SHCBP1: variants seen among roughly 807,000 people sequenced by gnomAD.
The protein encoded by SHCBP1 is SHC binding and spindle associated 1.
A neutral mutation model predicts 75.1 loss-of-function variants in SHCBP1; 60 were observed. The observed-to-expected ratio is 0.80, with a 90% CI of 0.65 to 0.99. The LOEUF is 0.99. Among genes scored for constraint, SHCBP1 ranks in the 50% least tolerant of loss-of-function variants. The pLI is 0.00. For synonymous variants in SHCBP1, 290 were observed against 293.2 expected (o/e 0.99, Z 0.11); for missense variants, 709 against 809.4 (o/e 0.88, Z 1.50).
intron 10 of SHCBP1, among the ~76,000 whole-genome samples, chr16:46,587,945 A>G (rs1026872953): frequency 6.6e-6 from 1 of 152,244 alleles, no homozygotes; most frequent in African/African-American, 2.4e-5. Context: ...ATAAAAGAAC[A>G]GAAATTATAA....
intron 9 of SHCBP1, among the ~76,000 whole-genome samples, chr16:46,596,334 C>T (rs1418614630): frequency 1.3e-5 from 2 of 151,906 alleles, no homozygotes; most frequent in East Asian, 2.0e-4. Context: ...GGTGAAAACC[C>T]GTCTCTACTA....
In SHCBP1 at chr16:46,608,324, A is replaced by C. The variant is rs376538138; in HGVS notation, c.662T>G (p.Val221Gly). The C allele has an allele frequency of 1.9e-6, 3 of 1,613,636 alleles. No individual in the cohort carries two copies. The African/African-American group carries it at 4.0e-5, about 22-fold the overall frequency. ...TCTTAATCGAGGTTCAACACATCTG[A>C]CAAAATAATCGTATTCATCCTCCTC... ...EEEEDEYDYF[V>G]RCVEPRLRLH... The change falls in exon 5 of 13, where the codon GTC (valine) becomes GGC (glycine). Residue 221 changes from valine to glycine, a missense_variant. By Grantham distance (109) the Val-to-Gly change is moderately radical (BLOSUM62 -3). Transcript: ENST00000303383.
intron 4 of SHCBP1, among the ~76,000 whole-genome samples, chr16:46,615,302 G>A (rs1965476882): frequency 6.6e-6 from 1 of 152,042 alleles, no homozygotes; most frequent in South Asian, 2.1e-4. Context: ...TTAAGTTTTG[G>A]GGGAGTCAAA....
intron 12 of SHCBP1, among the ~76,000 whole-genome samples, chr16:46,582,477 G>T (rs1175471346): frequency 6.6e-6 from 1 of 152,214 alleles, no homozygotes; most frequent in Non-Finnish European, 1.5e-5. Context: ...TCTCCAGCTG[G>T]TTGCTAAAGA....
Position 46,604,314 on chromosome 16 carries a change from A to G in SHCBP1, c.837T>C (p.Asn279=). 6.2e-7 allele frequency: 1 copy of G among 1,614,164 alleles called. No individual in the cohort carries two copies. Among genetic ancestry groups the G allele is most frequent in the Non-Finnish European group, 8.5e-7 (1 of 1,180,030 alleles). ...ATTTTAACCCTTCCACCATGGAGAT[A>G]TTTTCCTGCTCGGAATCAGAGTTAC... ...SNCNSDSEQE[N]ISMVEGLKLY... is the part of the protein sequence containing the mutation. The change falls in exon 6 of 13, where the codon AAT becomes AAC. Residue 279 remains asparagine, a synonymous_variant. Coordinates refer to ENST00000303383, the MANE Select transcript of SHCBP1 (RefSeq NM_024745.5).
intron 10 of SHCBP1, among the ~76,000 whole-genome samples, chr16:46,586,328 A>G (rs1465265773): frequency 2.0e-5 from 3 of 152,258 alleles, no homozygotes; most frequent in Non-Finnish European, 4.4e-5. Flanking sequence ...TGAAATAGAA[A>G]GCTCAATGGA....
chr16:46,617,674 C>T lies in SHCBP1; in HGVS notation c.347G>A (p.Arg116Gln), dbSNP rs372268527. Residue 116 changes from arginine to glutamine, a missense_variant, in exon 3 of 13, where the codon CGG becomes CAG. Coordinates refer to ENST00000303383, the MANE Select transcript of SHCBP1 (RefSeq NM_024745.5). Reference sequence around the variant, plus strand: ...GAACACATTAGTGTGCCAGACTGCCCGCCATCCAGATGGCTCAAGGACCTT... The same window carrying T: ...GAACACATTAGTGTGCCAGACTGCCTGCCATCCAGATGGCTCAAGGACCTT... ...LEKVLEPSGWRAVWHTNVFKV... is the reference protein window; with the variant it reads ...LEKVLEPSGWQAVWHTNVFKV... The T allele has an allele frequency of 5.6e-5, 90 of 1,613,614 alleles. 1 individual carries two copies. In the East Asian group the frequency reaches 1.0e-3, roughly 19 times the overall value.
intron 10 of SHCBP1, among the ~76,000 whole-genome samples, chr16:46,585,595 T>C (rs971687401): frequency 6.6e-6 from 1 of 152,168 alleles, no homozygotes; most frequent in African/African-American, 2.4e-5. Context: ...AATAGCTCTA[T>C]TCCAGGTAAA....
rs569153116 is a variant in SHCBP1, at chr16:46,596,273, A to AG, written c.1346-604dup. 1.9e-4 allele frequency among the ~76,000 whole-genome samples: 29 copies of AG among 152,102 alleles called. No individual in the cohort carries two copies. The East Asian group carries it at 3.5e-3, about 18-fold the overall frequency. ...GTAATCCTAGCACTTTGGGAGGCCG[A>AG]GGGGGGCAGAACACCCAAGGTCAGG... On this transcript the variant is annotated intron_variant, in intron 9 of 12. Coordinates refer to ENST00000303383, the MANE Select transcript of SHCBP1 (RefSeq NM_024745.5).
At chr16:46,610,544 A>ATTTTTTTTTTTGTTTTT (rs1965397623) in intron 4 of SHCBP1, among the ~76,000 whole-genome samples, 1 of 31,088 alleles carries the variant, frequency 3.2e-5, no homozygotes, top group Non-Finnish European at 5.7e-5. Flanking sequence ...CATGGGGTCA[A>ATTTTTTTTTTTGTTTTT]TTTTTTTTTT....
intron 4 of SHCBP1, among the ~76,000 whole-genome samples, chr16:46,613,805 C>T (rs766972287): frequency 6.6e-6 from 1 of 152,170 alleles, no homozygotes; most frequent in South Asian, 2.1e-4. Flanking sequence ...CAGACATACC[C>T]CATCCTTGAC....
In SHCBP1 at chr16:46,579,062, TACA is replaced by T. The variant is rs1231669606; in HGVS notation, c.*2664_*2666del. 1.3e-5 allele frequency among the ~76,000 whole-genome samples: 2 copies of T among 152,110 alleles called. No individual in the cohort carries two copies. Among genetic ancestry groups the T allele is most frequent in the African/African-American group, 2.4e-5 (1 of 41,408 alleles). On this transcript the variant is annotated 3_prime_UTR_variant, in exon 13 of 13. Coordinates refer to ENST00000303383, the MANE Select transcript of SHCBP1 (RefSeq NM_024745.5). ...CGTGTTAATATCTATGGTGCAATAA[TACA>T]ACAAGAAACTGAAGAAGGGAAATAC...
intron 9 of SHCBP1, among the ~76,000 whole-genome samples, chr16:46,597,380 T>C (rs1269912193): frequency 1.3e-5 from 2 of 152,116 alleles, no homozygotes; most frequent in Admixed American, 6.6e-5. Flanking sequence ...CACTCTAGCC[T>C]AGATGACAGT....
chr16:46,585,378 G>T (rs1433566218), intron 10 of SHCBP1, among the ~76,000 whole-genome samples: 1 of 151,992 alleles, frequency 6.6e-6, no homozygotes, highest in Non-Finnish European at 1.5e-5. Flanking sequence ...ACTGAAAAAT[G>T]GAGAGAAGAA....
chr16:46,586,857 C>A (rs1964961792), intron 10 of SHCBP1, among the ~76,000 whole-genome samples: 1 of 151,948 alleles, frequency 6.6e-6, no homozygotes, highest in African/African-American at 2.4e-5. Context: ...TGAAAATATT[C>A]TTCAGGAATG....
chr16:46,601,128 G>A (rs536713195), intron 8 of SHCBP1, among the ~76,000 whole-genome samples: 1 of 152,126 alleles, frequency 6.6e-6, no homozygotes, highest in Non-Finnish European at 1.5e-5. Flanking sequence ...GGCCAACATG[G>A]AGAAACCCTG....
chr16:46,614,732 C>G (rs766669412), intron 4 of SHCBP1, among the ~76,000 whole-genome samples: 26 of 151,722 alleles, frequency 1.7e-4, no homozygotes, highest in Non-Finnish European at 3.2e-4. Flanking sequence ...AGTATATAAC[C>G]TTCTTCACTG....
intron 5 of SHCBP1, among the ~76,000 whole-genome samples, chr16:46,606,753 C>T (rs2143000923): frequency 6.6e-6 from 1 of 151,872 alleles, no homozygotes; most frequent in South Asian, 2.1e-4. Context: ...AATCATAGCC[C>T]ATTTACGAAG....
Position 46,616,768 on chromosome 16 carries a change from G to A in SHCBP1, c.388-614C>T, listed in dbSNP as rs1415550640. Among the ~76,000 whole-genome samples the A allele has an allele frequency of 6.6e-6, 1 of 152,194 alleles. No homozygotes were observed. The highest frequency in any genetic ancestry group is 2.4e-5 in the African/African-American group (1 of 41,452). ...TTAAGCAGAGAAATGGCATGCTTCT[G>A]TTTTAAAACAATGACTTTCATTGTT... On this transcript the variant is annotated intron_variant, in intron 3 of 12. Transcript: ENST00000303383. The surrounding 1 kb of genome is among the most constrained non-coding windows in gnomAD (Gnocchi z 4.4).
Sources: allele counts gnomAD v4.1 joint callset (sites outside exome capture counted in the v4.1 genomes callset), GRCh38; gene constraint gnomAD v4.1.1; non-coding constraint Gnocchi (gnomAD v3.1); transcripts MANE v1.5; gene names NCBI Gene and HGNC (gene_info 2026-07-23, HGNC 2026-07-21).